Variants in TMEM132C observed in about 807,000 individuals in gnomAD.
The protein encoded by TMEM132C is transmembrane protein 132C.
In TMEM132C, 29 loss-of-function variants were observed where a neutral mutation model predicts 61.4. The observed-to-expected ratio is 0.47, with a 90% CI of 0.35 to 0.64. The LOEUF (loss-of-function observed/expected upper bound fraction) is 0.64. Among genes scored for constraint, TMEM132C ranks in the 30% least tolerant of loss-of-function variants. The pLI is 0.00. For missense variants in TMEM132C, 1,408 were observed against 1,476.9 expected, an observed-to-expected ratio of 0.95 and a Z score of 0.76; for synonymous variants, 656 against 633.1, an observed-to-expected ratio of 1.04 and a Z score of -0.54.
intron 2 of TMEM132C, among the ~76,000 whole-genome samples, chr12:128,518,745 T>C (rs982141630): frequency 2.0e-4 from 30 of 151,716 alleles, no homozygotes; most frequent in African/African-American, 6.5e-4. Context: ...TGTGTGTGCG[T>C]GTGTGTGTGT....
rs118119506 is a variant in TMEM132C, at chr12:128,501,668, G to C, written c.975-42289G>C. On this transcript the variant is annotated intron_variant, in intron 2 of 8. Transcript: ENST00000435159. ...TACTTGGAGTTGGGTGGTGTGTCTT[G>C]GAGAGAAATCAGATGATTCAACCGC... Among the ~76,000 whole-genome samples the C allele has an allele frequency of 4.2e-3, 640 of 152,274 alleles. 4 individuals are homozygous for C. Among genetic ancestry groups the C allele is most frequent in the Non-Finnish European group, 6.0e-3 (405 of 68,026 alleles).
At chr12:128,357,127 G>A (rs919685132) in intron 1 of TMEM132C, among the ~76,000 whole-genome samples, 6 of 152,118 alleles carry the variant, frequency 3.9e-5, no homozygotes, top group Non-Finnish European at 5.9e-5. Context: ...GGGAGCCCAC[G>A]TGTCCAATTT....
Position 128,415,741 on chromosome 12 carries a change from A to G in TMEM132C, c.974+121A>G, listed in dbSNP as rs997258562. On this transcript the variant is annotated intron_variant, in intron 2 of 8. Transcript: ENST00000435159. The surrounding 1 kb of genome is among the most constrained non-coding windows in gnomAD (Gnocchi z 5.8). ...TCACTACCTTCAGGGACCGTTTGGC[A>G]TTAACAGGGGAAGGCAAATTATGCA... is the stretch of plus-strand genomic sequence containing the variant. 50 of 1,224,032 alleles carry G rather than the reference A, an allele frequency of 4.1e-5. No individual in the cohort carries two copies. Among genetic ancestry groups the G allele is most frequent in the Admixed American group, 8.7e-5 (3 of 34,566 alleles). The allele number at this position is 1,224,032 out of a possible 1,614,324, so 75.8% of individuals were successfully genotyped here.
intron 4 of TMEM132C, among the ~76,000 whole-genome samples, chr12:128,639,006 G>A (rs1954126498): frequency 6.9e-6 from 1 of 144,592 alleles, no homozygotes; most frequent in Non-Finnish European, 1.5e-5. Flanking sequence ...TGGTGGTGAT[G>A]ATGATGGTGG....
At chr12:128,316,764 A>G (rs61938409) in intron 1 of TMEM132C, among the ~76,000 whole-genome samples, 2,029 of 152,244 alleles carry the variant, frequency 0.013, 21 homozygotes, top group Non-Finnish European at 0.018. Flanking sequence ...TCTCATTATT[A>G]ATATTATTGT....
At chr12:128,450,351 G>A (rs1870136483) in intron 2 of TMEM132C, among the ~76,000 whole-genome samples, 1 of 152,080 alleles carries the variant, frequency 6.6e-6, no homozygotes, top group Admixed American at 6.5e-5. Flanking sequence ...GATAGAATAA[G>A]ACCAACTCAT....
intron 1 of TMEM132C, among the ~76,000 whole-genome samples, chr12:128,371,794 G>T (rs1385060560): frequency 6.6e-6 from 1 of 152,112 alleles, no homozygotes; most frequent in African/African-American, 2.4e-5. Context: ...GCCCAGGTTG[G>T]TCTCAAACTC....
At chr12:128,279,123 G>C (rs1013540308) in intron 1 of TMEM132C, among the ~76,000 whole-genome samples, 1 of 152,104 alleles carries the variant, frequency 6.6e-6, no homozygotes, top group Admixed American at 6.5e-5. Context: ...GGTCCTGGAA[G>C]ATCTAGTCCC....
chr12:128,369,249 GAT>G (rs1873959502), intron 1 of TMEM132C, among the ~76,000 whole-genome samples: 1 of 152,114 alleles, frequency 6.6e-6, no homozygotes, highest in South Asian at 2.1e-4. Context: ...TTATCTCATT[GAT>G]ACTTAAAATG....
chr12:128,582,780 G>A (rs1404942263), intron 3 of TMEM132C, among the ~76,000 whole-genome samples: 1 of 152,108 alleles, frequency 6.6e-6, no homozygotes, highest in Non-Finnish European at 1.5e-5. Context: ...TCTCAGGTAT[G>A]TCTTTATCAG....
chr12:128,677,903 G>C (rs553491602), intron 5 of TMEM132C, among the ~76,000 whole-genome samples: 6 of 152,332 alleles, frequency 3.9e-5, no homozygotes, highest in Admixed American at 3.3e-4. Flanking sequence ...GTGACCAAAG[G>C]TGCCTGCGTT....
chr12:128,691,186 C>T (rs1954716916), intron 5 of TMEM132C, among the ~76,000 whole-genome samples: 1 of 152,210 alleles, frequency 6.6e-6, no homozygotes, highest in Admixed American at 6.5e-5. Flanking sequence ...GTGTGCATTT[C>T]TCCAGCAAGA....
intron 1 of TMEM132C, among the ~76,000 whole-genome samples, chr12:128,414,224 T>TA (rs994449878): frequency 4.0e-5 from 6 of 151,790 alleles, no homozygotes; most frequent in Non-Finnish European, 7.4e-5. Flanking sequence ...CCATCTCTAT[T>TA]AAAAAAAATA....
intron 1 of TMEM132C, among the ~76,000 whole-genome samples, chr12:128,307,249 G>C (rs1593005237): frequency 6.6e-6 from 1 of 152,152 alleles, no homozygotes; most frequent in African/African-American, 2.4e-5. Context: ...AGAAGTAATA[G>C]CTTCTTCTGT....
At position 128,697,299 on chromosome 12, in the gene TMEM132C, G is replaced by C; in HGVS notation, c.2005G>C (p.Asp669His). The C allele has an allele frequency of 6.4e-7, 1 of 1,551,080 alleles. No individual in the cohort carries two copies. Among genetic ancestry groups the C allele is most frequent in the Non-Finnish European group, 8.7e-7 (1 of 1,146,450 alleles). The change falls in exon 8 of 9, where the codon GAC becomes CAC. Residue 669 changes from aspartate (D) to histidine (H), a missense_variant. Asp to His is a moderately conservative substitution (Grantham distance 81). Coordinates refer to ENST00000435159, the MANE Select transcript of TMEM132C (RefSeq NM_001136103.3). ...TVLDDKVSVT[D>H]LAIQLVAGLS... The stretch of plus-strand genomic sequence containing the variant: ...GCTAGATGACAAAGTATCGGTGACA[G>C]ACTTGGCCATCCAGCTCGTGGCTGG...
At chr12:128,419,708 A>G (rs1013010598) in intron 2 of TMEM132C, among the ~76,000 whole-genome samples, 1 of 152,158 alleles carries the variant, frequency 6.6e-6, no homozygotes, top group African/African-American at 2.4e-5. Flanking sequence ...CCAAATACAA[A>G]ACAAACAAAA....
intron 1 of TMEM132C, among the ~76,000 whole-genome samples, chr12:128,357,625 G>A (rs1228471229): frequency 2.0e-5 from 3 of 151,106 alleles, no homozygotes; most frequent in South Asian, 2.1e-4. Context: ...AACCCGGGAG[G>A]TGGAGGTTGC....
chr12:128,390,682 C>T (rs960082537), intron 1 of TMEM132C, among the ~76,000 whole-genome samples: 20 of 152,140 alleles, frequency 1.3e-4, no homozygotes, highest in Non-Finnish European at 2.2e-4. Flanking sequence ...ATTCTGTCTA[C>T]AGGGTTTTAG....
At chr12:128,401,176 A>G (rs1875146241) in intron 1 of TMEM132C, among the ~76,000 whole-genome samples, 1 of 152,204 alleles carries the variant, frequency 6.6e-6, no homozygotes, top group Non-Finnish European at 1.5e-5. Flanking sequence ...GTAAGTACCT[A>G]TATAGAATGT....
Sources: allele counts gnomAD v4.1 joint callset (sites outside exome capture counted in the v4.1 genomes callset), GRCh38; gene constraint gnomAD v4.1.1; non-coding constraint Gnocchi (gnomAD v3.1); transcripts MANE v1.5; gene names NCBI Gene and HGNC (gene_info 2026-07-23, HGNC 2026-07-21).